FAM120A: variants seen among roughly 807,000 people sequenced by gnomAD.
FAM120A encodes the protein constitutive coactivator of PPAR-gamma-like protein 1.
FAM120A carries 15 observed loss-of-function variants against 109.7 expected under a neutral mutation model. That is an observed-to-expected ratio of 0.14 (90% CI 0.09 to 0.21). The LOEUF (loss-of-function observed/expected upper bound fraction) is 0.21. Among genes scored for constraint, FAM120A ranks in the 10% least tolerant of loss-of-function variants. The pLI is 1.00. For synonymous variants in FAM120A, 493 were observed against 572.8 expected (o/e 0.86, Z 1.99); for missense variants, 899 against 1,439.3 (o/e 0.62, Z 6.07).
intron 11 of FAM120A, among the ~76,000 whole-genome samples, chr9:93,547,488 G>T (rs886657324): frequency 9.9e-5 from 15 of 152,270 alleles, no homozygotes; most frequent in African/African-American, 3.6e-4. Context: ...CTTGTAAAGG[G>T]CAGTGAGAGG....
chr9:93,485,225 C>T (rs1858989450), intron 3 of FAM120A, among the ~76,000 whole-genome samples: 1 of 152,072 alleles, frequency 6.6e-6, no homozygotes, highest in Non-Finnish European at 1.5e-5. Flanking sequence ...TGGGAACTGC[C>T]ACCACCCCCT....
At chr9:93,523,451 C>A in intron 7 of FAM120A, 4 of 452,292 alleles carry the variant, frequency 8.8e-6, no homozygotes, top group African/African-American at 2.6e-5. Flanking sequence ...AGACAGATAT[C>A]CACTTTATAT....
Position 93,558,678 on chromosome 9 carries a change from C to G in FAM120A, c.2766C>G (p.Phe922Leu). Residue 922 changes from phenylalanine (F) to leucine (L), a missense_variant, in exon 15 of 18, where the codon TTC becomes TTG. Coordinates refer to ENST00000277165, the MANE Select transcript of FAM120A (RefSeq NM_014612.5). ...VAAASGHCGA[F>L]SGSDSSRTSK... ...CAGCATCGGGACACTGCGGAGCCTTCTCAGGCAGTGACAGCAGCAGGACTA... is the reference window on the plus strand; with the variant it reads ...CAGCATCGGGACACTGCGGAGCCTTGTCAGGCAGTGACAGCAGCAGGACTA... The G allele has an allele frequency of 2.5e-6, 4 of 1,614,128 alleles. No homozygotes were observed. Among genetic ancestry groups the G allele is most frequent in the Non-Finnish European group, 3.4e-6 (4 of 1,180,012 alleles).
At chr9:93,469,171 C>T (rs1445589184) in intron 1 of FAM120A, among the ~76,000 whole-genome samples, 2 of 152,204 alleles carry the variant, frequency 1.3e-5, no homozygotes, top group Non-Finnish European at 2.9e-5. Context: ...GGCCAGCAGC[C>T]CCTTCTCACC....
chr9:93,527,286 T>C, intron 8 of FAM120A, 44 bp downstream of exon 8: 1 of 1,370,108 alleles, frequency 7.3e-7, no homozygotes. Flanking sequence ...TGACTCATTT[T>C]GTATTAGCAC....
At chr9:93,473,110 A>G (rs567100019) in intron 2 of FAM120A, among the ~76,000 whole-genome samples, 9 of 151,230 alleles carry the variant, frequency 6.0e-5, no homozygotes, top group Non-Finnish European at 1.0e-4. Flanking sequence ...CTCCACCTGC[A>G]TGGTTCAAGC....
In FAM120A at chr9:93,452,665, G is replaced by T. The variant is rs1405402986; in HGVS notation, c.474+276G>T. ...GGGAGAGAGCCCCGGACCAGAATTC[G>T]GAGGCGACAGTGTCATCATCCCCAA... On this transcript the variant is annotated intron_variant, in intron 1 of 17. Transcript: ENST00000277165. This position sits in a 1 kb window ranked among gnomAD's most constrained non-coding sequence, Gnocchi z 7.0. 1.3e-6 allele frequency: 2 copies of T among 1,598,936 alleles called. No individual in the cohort carries two copies. Among genetic ancestry groups the T allele is most frequent in the Non-Finnish European group, 1.7e-6 (2 of 1,179,920 alleles).
Position 93,498,847 on chromosome 9 carries a change from A to T in FAM120A, c.991A>T (p.Thr331Ser). 1 of 1,612,292 alleles carries T rather than the reference A, an allele frequency of 6.2e-7. No individual in the cohort carries two copies. The highest frequency in any genetic ancestry group is 8.5e-7 in the Non-Finnish European group (1 of 1,178,332). The change falls in exon 5 of 18, where the codon ACT becomes TCT. Residue 331 changes from threonine to serine, a missense_variant. By Grantham distance (58) the Thr-to-Ser change is moderately conservative. Coordinates refer to ENST00000277165, the MANE Select transcript of FAM120A (RefSeq NM_014612.5). This position sits in a 1 kb window ranked among gnomAD's most constrained non-coding sequence, Gnocchi z 4.4. The stretch of plus-strand genomic sequence containing the variant: ...GAGAGCAATTGGATATTATTCAGCG[A>T]CTAGTAAGCCTATGTCATTTCATCC... ...FKRAIGYYSA[T>S]SKPMSFHPPH...
At chr9:93,508,669 C>T (rs867228441) in intron 5 of FAM120A, among the ~76,000 whole-genome samples, 2 of 152,170 alleles carry the variant, frequency 1.3e-5, no homozygotes, top group Non-Finnish European at 2.9e-5. Context: ...GGGGATCCTG[C>T]CCCTGCTTTG....
In FAM120A at chr9:93,533,867, T is replaced by C. The variant is rs141462709; in HGVS notation, c.1909+1538T>C. Among the ~76,000 whole-genome samples, 25 of 152,334 alleles carry C rather than the reference T, an allele frequency of 1.6e-4. 1 individual carries two copies. The East Asian group carries it at 3.3e-3, about 20-fold the overall frequency. Reference sequence around the variant, plus strand: ...TAGAAGGTATTCTTTTTTATTTGCTTGTGTGTTCTAAAAACAGAGTTACCT... The same window carrying C: ...TAGAAGGTATTCTTTTTTATTTGCTCGTGTGTTCTAAAAACAGAGTTACCT... On this transcript the variant is annotated intron_variant, in intron 10 of 17. Transcript: ENST00000277165.
chr9:93,458,386 A>G (rs922773662), intron 1 of FAM120A, among the ~76,000 whole-genome samples: 2 of 151,958 alleles, frequency 1.3e-5, no homozygotes, highest in African/African-American at 4.8e-5. Flanking sequence ...CTTGAACTTC[A>G]TGATCATTCA....
Position 93,452,910 on chromosome 9 carries a change from G to T in FAM120A, c.474+521G>T. ...CCGCCCTTGCCAATGTTGTTAGCCC[G>T]GTGACAGCGAGACGTGTCTAAGGGC... On this transcript the variant is annotated intron_variant, in intron 1 of 17. Transcript: ENST00000277165. The surrounding 1 kb of genome is among the most constrained non-coding windows in gnomAD (Gnocchi z 7.0). 1 of 1,432,562 alleles carries T rather than the reference G, an allele frequency of 7.0e-7. No homozygotes were observed. Among genetic ancestry groups the T allele is most frequent in the Non-Finnish European group, 9.1e-7 (1 of 1,100,954 alleles). 88.7% of individuals were successfully genotyped at this position (1,432,562 alleles called of 1,614,324 possible). A position where few individuals can be genotyped will look rare whatever the true frequency, so the allele number is the denominator to read the frequency against.
At chr9:93,466,016 C>T (rs3897285) in intron 1 of FAM120A, among the ~76,000 whole-genome samples, 17,724 of 152,100 alleles carry the variant, frequency 0.12, 2,202 homozygotes, top group African/African-American at 0.31. Context: ...CTCAGCACCC[C>T]ACATGGCACG....
At chr9:93,466,910 AAC>A (rs879842527) in intron 1 of FAM120A, among the ~76,000 whole-genome samples, 3 of 152,126 alleles carry the variant, frequency 2.0e-5, no homozygotes, top group Non-Finnish European at 4.4e-5. Flanking sequence ...CAGAATTGTT[AAC>A]ACAGATTCTG....
At chr9:93,461,379 T>C (rs1588777995) in intron 1 of FAM120A, among the ~76,000 whole-genome samples, 1 of 152,172 alleles carries the variant, frequency 6.6e-6, no homozygotes, top group Non-Finnish European at 1.5e-5. Context: ...ACTCCATGGA[T>C]GAGGTGTTTT....
chr9:93,474,815 G>A (rs1243351160), intron 2 of FAM120A, among the ~76,000 whole-genome samples: 1 of 152,060 alleles, frequency 6.6e-6, no homozygotes, highest in Admixed American at 6.6e-5. Context: ...GGATGGTCTC[G>A]ATCTCCTGAC....
At chr9:93,456,500 G>C (rs1221102132) in intron 1 of FAM120A, among the ~76,000 whole-genome samples, 1 of 152,192 alleles carries the variant, frequency 6.6e-6, no homozygotes, top group African/African-American at 2.4e-5. Flanking sequence ...ATTTAGAGAT[G>C]ATGGTCTCCC....
chr9:93,504,463 C>T (rs1055106177), intron 5 of FAM120A, among the ~76,000 whole-genome samples: 9 of 152,192 alleles, frequency 5.9e-5, no homozygotes, highest in Non-Finnish European at 7.3e-5. Context: ...CTACCACCCT[C>T]AATTTTGTAT....
intron 7 of FAM120A, 97 bp from the exon 8 acceptor site, chr9:93,527,052 GTATTGT>G: frequency 2.5e-6 from 2 of 811,426 alleles, no homozygotes; most frequent in Non-Finnish European, 2.1e-6. Context: ...TATTTTAAAA[GTATTGT>G]TATTATGAGC....
Sources: gnomAD v4.1 joint callset for allele counts (sites outside exome capture counted in the v4.1 genomes callset) on GRCh38, gnomAD v4.1.1 for gene constraint, Gnocchi (gnomAD v3.1) non-coding constraint, MANE v1.5 for transcripts, NCBI Gene and HGNC (gene_info 2026-07-23, HGNC 2026-07-21) for gene names.